The following GRM7 variants were observed in gnomAD, a reference collection of about 807,000 sequenced individuals.
GRM7 encodes glutamate metabotropic receptor 7.
A neutral mutation model predicts 84.5 loss-of-function variants in GRM7; 35 were observed. That is an observed-to-expected ratio of 0.41 (90% CI 0.32 to 0.55). GRM7 has a LOEUF of 0.55. Ranked by LOEUF, GRM7 falls within the 20% of genes least tolerant of loss-of-function variation. The pLI is 0.19. For missense variants in GRM7, 1,003 were observed against 1,194.6 expected (o/e 0.84, Z 2.36); for synonymous variants, 487 against 455.1 (o/e 1.07, Z -0.89).
At chr3:7,082,235 T>A (rs112627953) in intron 1 of GRM7, among the ~76,000 whole-genome samples, 6,267 of 152,236 alleles carry the variant, frequency 0.041, 133 homozygotes, top group Middle Eastern at 0.11. Context: ...CTAATACAGC[T>A]GCTGACTTTA....
chr3:7,492,955 T>G (rs1472942499), intron 7 of GRM7, among the ~76,000 whole-genome samples: 1 of 152,108 alleles, frequency 6.6e-6, no homozygotes, highest in Non-Finnish European at 1.5e-5. Context: ...TACAAGTGTA[T>G]TGTTTAATTG....
intron 1 of GRM7, among the ~76,000 whole-genome samples, chr3:6,903,987 G>C (rs1209970600): frequency 6.6e-6 from 1 of 151,978 alleles, no homozygotes; most frequent in African/African-American, 2.4e-5. Context: ...ATTTAGATTT[G>C]TAGGTGTTCG....
chr3:7,516,846 G>A (rs1474301983), intron 7 of GRM7, among the ~76,000 whole-genome samples: 3 of 152,196 alleles, frequency 2.0e-5, no homozygotes, highest in South Asian at 2.1e-4. Flanking sequence ...AATCAGGCCT[G>A]TCAGAGCTTT....
Position 7,415,131 on chromosome 3 carries a change from CA to C in GRM7, c.1149del (p.Glu384LysfsTer28). ...NFNCKLTISG[S>X]KKEDTDRKCT... ...AACTGCAAGTTGACGATTAGTGGGT[CA>C]AAAAAAGAAGACACAGATCGCAAAT... On this transcript the variant is annotated frameshift_variant, in exon 5 of 10. Transcript: ENST00000357716. LOFTEE classifies it high-confidence loss of function. The C allele has an allele frequency of 6.2e-7, 1 of 1,612,176 alleles. No homozygotes were observed. The highest frequency in any genetic ancestry group is 8.5e-7 in the Non-Finnish European group (1 of 1,178,694).
intron 4 of GRM7, among the ~76,000 whole-genome samples, chr3:7,335,363 A>C (rs1228994815): frequency 1.3e-5 from 2 of 152,044 alleles, no homozygotes; most frequent in Non-Finnish European, 2.9e-5. Context: ...ATTTGGATTG[A>C]ATAATAGTGA....
rs770110568 is a variant in GRM7, at chr3:7,556,689, C to G, written c.1516-21733C>G. ...AGAATAGATGATAATCTAATGTTCT[C>G]TCATGTACAGTATGAAACTGCATCA... On this transcript the variant is annotated intron_variant, in intron 7 of 9. Transcript: ENST00000357716. Among the ~76,000 whole-genome samples the G allele has an allele frequency of 2.6e-5, 4 of 152,274 alleles. No homozygotes were observed. The South Asian group carries it at 8.3e-4, about 32-fold the overall frequency.
At chr3:7,298,853 T>C (rs1304118149) in intron 3 of GRM7, 28 bp downstream of exon 3, 1 of 1,594,792 alleles carries the variant, frequency 6.3e-7, no homozygotes, top group South Asian at 1.1e-5. Flanking sequence ...CAATTGTTAA[T>C]ATGCATGTTG....
rs149596980 is a variant in GRM7, at chr3:6,885,003, A to G, written c.519+23096A>G. On this transcript the variant is annotated intron_variant, in intron 1 of 9. Coordinates refer to ENST00000357716, the MANE Select transcript of GRM7 (RefSeq NM_000844.4). ...CTCTTCCAATACTCCACATATATAC[A>G]TTATTTCTATCCCTGGAAAATTTGC... Among the ~76,000 whole-genome samples the G allele has an allele frequency of 7.2e-4, 110 of 152,262 alleles. 1 individual carries two copies. In the East Asian group the frequency reaches 0.016, roughly 22 times the overall value.
chr3:7,006,695 A>G (rs1695192226), intron 1 of GRM7, among the ~76,000 whole-genome samples: 1 of 152,220 alleles, frequency 6.6e-6, no homozygotes, highest in Admixed American at 6.5e-5. Flanking sequence ...TAATTTTCAT[A>G]ATTGAGAAAT....
intron 2 of GRM7, among the ~76,000 whole-genome samples, chr3:7,270,336 C>G (rs1698808432): frequency 6.6e-6 from 1 of 152,134 alleles, no homozygotes; most frequent in Non-Finnish European, 1.5e-5. Flanking sequence ...TAGACTGTAA[C>G]TTCATTGAGG....
intron 1 of GRM7, among the ~76,000 whole-genome samples, chr3:7,009,391 T>C (rs1000643452): frequency 1.3e-5 from 2 of 152,152 alleles, no homozygotes; most frequent in Non-Finnish European, 2.9e-5. Flanking sequence ...AATGAAGAAA[T>C]TGAAGTTTGT....
chr3:7,327,869 G>A lies in GRM7; in HGVS notation c.1033+21217G>A, dbSNP rs114095822. Among the ~76,000 whole-genome samples the A allele has an allele frequency of 5.0e-3, 756 of 152,316 alleles. 7 individuals carry two copies. The highest frequency in any genetic ancestry group is 0.017 in the African/African-American group (723 of 41,576). ...AAGCAACCATTTATTGAACATCTGC[G>A]TTGAGCAGGATGCTATTCTAAATAA... On this transcript the variant is annotated intron_variant, in intron 4 of 9. Coordinates refer to ENST00000357716, the MANE Select transcript of GRM7 (RefSeq NM_000844.4).
intron 1 of GRM7, among the ~76,000 whole-genome samples, chr3:7,030,325 T>G (rs1259957421): frequency 6.6e-6 from 1 of 152,168 alleles, no homozygotes; most frequent in Non-Finnish European, 1.5e-5. Flanking sequence ...AATGATGACA[T>G]AAGACATGGT....
intron 7 of GRM7, among the ~76,000 whole-genome samples, chr3:7,511,611 AACACCT>A (rs1174467158): frequency 6.6e-6 from 1 of 152,220 alleles, no homozygotes; most frequent in Non-Finnish European, 1.5e-5. Flanking sequence ...AAAGTGACTG[AACACCT>A]GGGAGCCCCA....
intron 4 of GRM7, among the ~76,000 whole-genome samples, chr3:7,399,360 T>G (rs1238437045): frequency 6.6e-6 from 1 of 152,148 alleles, no homozygotes. Flanking sequence ...GATGTCACAC[T>G]TATTACTTCT....
At chr3:6,952,589 C>T (rs779291972) in intron 1 of GRM7, among the ~76,000 whole-genome samples, 8 of 152,148 alleles carry the variant, frequency 5.3e-5, no homozygotes, top group African/African-American at 9.7e-5. Context: ...TCTATGAATG[C>T]GATAAGCTGG....
In GRM7 at chr3:7,086,841, T is replaced by G. The variant is rs536385187; in HGVS notation, c.520-59611T>G. The stretch of plus-strand genomic sequence containing the variant: ...AGATCCAGGCTCAAAATCTCAGGAC[T>G]GGAAACTTTGCTTCACTTAGAGGTC... On this transcript the variant is annotated intron_variant, in intron 1 of 9. Transcript: ENST00000357716. Among the ~76,000 whole-genome samples the G allele has an allele frequency of 2.1e-3, 322 of 152,332 alleles. 1 individual carries two copies. Among genetic ancestry groups the G allele is most frequent in the Middle Eastern group, 0.017 (5 of 294 alleles).
rs1393721649 is a variant in GRM7 at position 7,598,995 on chromosome 3, C to G, written c.2451+19638C>G. 1.3e-5 allele frequency among the ~76,000 whole-genome samples: 2 copies of G among 152,084 alleles called. 1 individual carries two copies. The highest frequency in any genetic ancestry group is 2.9e-5 in the Non-Finnish European group (2 of 68,012). On this transcript the variant is annotated intron_variant, in intron 8 of 9. Transcript: ENST00000357716. Reference sequence around the variant, plus strand: ...CCTTTTCTTAAATCTCCATAAATTCCTCTTGAAAGAGAATTTCTACTCAGA... The same window carrying G: ...CCTTTTCTTAAATCTCCATAAATTCGTCTTGAAAGAGAATTTCTACTCAGA...
chr3:7,442,993 A>G (rs1389827735), intron 5 of GRM7, among the ~76,000 whole-genome samples: 6 of 144,374 alleles, frequency 4.2e-5, no homozygotes, highest in Non-Finnish European at 6.0e-5. Context: ...CCCTTATATC[A>G]TCTTGATCTT....
Sources: allele counts gnomAD v4.1 joint callset (sites outside exome capture counted in the v4.1 genomes callset), GRCh38; gene constraint gnomAD v4.1.1; transcripts MANE v1.5; gene names NCBI Gene and HGNC (gene_info 2026-07-23, HGNC 2026-07-21).